DMD: variants seen among roughly 807,000 people sequenced by gnomAD.
DMD encodes the protein dystrophin, also known as mutant dystrophin.
A neutral mutation model predicts 330.1 loss-of-function variants in DMD; 63 were observed. That is an observed-to-expected ratio of 0.19 (90% CI 0.16 to 0.24). The LOEUF is 0.24. DMD is among the 10% of genes least tolerant of loss of function. The pLI is 1.00. For missense variants in DMD, 3,344 were observed against 2,684.1 expected, an observed-to-expected ratio of 1.25 and a Z score of -5.43; for synonymous variants, 1,223 against 959.8, an observed-to-expected ratio of 1.27 and a Z score of -5.07.
chrX:33,261,274 T>A, intron 1 of DMD, among the ~76,000 whole-genome samples: 1 of 110,979 alleles, frequency 9.0e-6, no homozygotes, highest in Non-Finnish European at 1.9e-5. Flanking sequence ...TTTCATGACT[T>A]GACACTTATT....
intron 1 of DMD, among the ~76,000 whole-genome samples, chrX:33,304,699 T>A (rs1413659622): frequency 1.8e-4 from 18 of 99,931 alleles, no homozygotes; most frequent in African/African-American, 6.2e-4. Flanking sequence ...GAATCTACAA[T>A]GAACTCAAAC....
intron 34 of DMD, among the ~76,000 whole-genome samples, chrX:32,377,628 T>C: frequency 8.9e-6 from 1 of 111,795 alleles, no homozygotes; most frequent in East Asian, 2.8e-4. Flanking sequence ...ATCTGGCTTC[T>C]TTCCAGGAAA....
intron 45 of DMD, among the ~76,000 whole-genome samples, chrX:31,957,015 T>C (rs2095252963): frequency 1.8e-5 from 2 of 111,671 alleles, no homozygotes; most frequent in South Asian, 7.5e-4. Context: ...AGTGGTAGAG[T>C]GGTGCATGGC....
In DMD at chrX:32,565,752, C is replaced by T; in HGVS notation, c.1942G>A (p.Ala648Thr). ...TGGACTAAATTATCCCAACACCGGG[C>T]AAAGTTATCCAGCCATGCTTCCGTC... The part of the protein sequence containing the change: ...QKTEAWLDNF[A>T]RCWDNLVQKL... The change falls in exon 16 of 79, where the codon GCC becomes ACC. Residue 648 changes from alanine (A) to threonine (T), a missense_variant. By Grantham distance (58) the Ala-to-Thr change is moderately conservative (BLOSUM62 0). Coordinates refer to ENST00000357033, the MANE Select transcript of DMD (RefSeq NM_004006.3). 2 of 1,211,693 alleles carry T rather than the reference C, an allele frequency of 1.7e-6. No individual in the cohort carries two copies. Among genetic ancestry groups the T allele is most frequent in the Non-Finnish European group, 1.1e-6 (1 of 895,487 alleles).
intron 27 of DMD, among the ~76,000 whole-genome samples, chrX:32,445,618 C>A (rs2098300349): frequency 9.1e-6 from 1 of 110,206 alleles, no homozygotes; most frequent in African/African-American, 3.3e-5. Context: ...GTTAAAGAAG[C>A]CAACTACCAG....
chrX:32,867,398 A>G (rs1384356068), intron 2 of DMD, among the ~76,000 whole-genome samples: 5 of 112,328 alleles, frequency 4.5e-5, no homozygotes, highest in Non-Finnish European at 9.4e-5. Flanking sequence ...ATAAAGTTGA[A>G]TAAGAGCCAA....
chrX:32,312,752 G>A (rs903454218), intron 41 of DMD, among the ~76,000 whole-genome samples: 5 of 106,240 alleles, frequency 4.7e-5, no homozygotes, highest in Non-Finnish European at 9.7e-5. Context: ...TATCACCACC[G>A]ATCCCACAGA....
intron 12 of DMD, 109 bp downstream of exon 12, chrX:32,614,194 T>G: frequency 3.6e-6 from 3 of 831,294 alleles, no homozygotes; most frequent in Middle Eastern, 3.1e-4. Context: ...ATGGCTGACT[T>G]TAAGTTTTAA....
rs35180404 is a variant in DMD, at chrX:32,975,346, CTTTTTTTTTTTT to C, written c.93+44781_93+44792del. Among the ~76,000 whole-genome samples the C allele has an allele frequency of 1.3e-3, 86 of 64,769 alleles. 1 individual carries two copies. The South Asian group carries it at 0.03, about 22-fold the overall frequency. 56.2% of individuals were successfully genotyped at this position (64,769 alleles called of 115,157 possible). ...TTTGCTTTTTAAACTTTAAAAAATG[CTTTTTTTTTTTT>C]TTTTTTTTTTTGAAACCCTGAAAAA... On this transcript the variant is annotated intron_variant, in intron 2 of 78. Coordinates refer to ENST00000357033, the MANE Select transcript of DMD (RefSeq NM_004006.3).
chrX:33,158,494 T>C (rs1357710267), intron 1 of DMD, among the ~76,000 whole-genome samples: 1 of 111,659 alleles, frequency 9.0e-6, no homozygotes, highest in Non-Finnish European at 1.9e-5. Flanking sequence ...TGATCCCATC[T>C]GTTCCTTGAC....
intron 44 of DMD, among the ~76,000 whole-genome samples, chrX:32,113,283 A>G (rs748173155): frequency 8.9e-6 from 1 of 112,539 alleles, no homozygotes. Context: ...TCTATTTTGT[A>G]TTTCAAAATA....
rs1017299529 is a variant in DMD, at chrX:31,924,989, C to A, written c.6912+4607G>T. Among the ~76,000 whole-genome samples, 5 of 111,761 alleles carry A rather than the reference C, an allele frequency of 4.5e-5. No individual in the cohort carries two copies. The East Asian group carries it at 1.1e-3, about 25-fold the overall frequency. ...TAATAGGAATGCATAACGTACACCA[C>A]CTGTAAAATTACTTGACATTAAAAA... On this transcript the variant is annotated intron_variant, in intron 47 of 78. Coordinates refer to ENST00000357033, the MANE Select transcript of DMD (RefSeq NM_004006.3).
chrX:32,969,146 A>T (rs2147115124), intron 2 of DMD, among the ~76,000 whole-genome samples: 1 of 107,390 alleles, frequency 9.3e-6, no homozygotes, highest in South Asian at 4.3e-4. Flanking sequence ...AAGACACCTA[A>T]CATGCTGGTG....
rs946759036 is a variant in DMD at position 31,857,631 on chromosome X, C to T, written c.7098+17557G>A. 1.1e-4 allele frequency among the ~76,000 whole-genome samples: 12 copies of T among 109,952 alleles called. No homozygotes were observed. The East Asian group carries it at 1.1e-3, about 10-fold the overall frequency. ...CACCAAAGTGTTCAGAATTTGGAAACTGTAGCTTCAGATGTATTAAACATG... is the reference window on the plus strand; with the variant it reads ...CACCAAAGTGTTCAGAATTTGGAAATTGTAGCTTCAGATGTATTAAACATG... On this transcript the variant is annotated intron_variant, in intron 48 of 78. Coordinates refer to ENST00000357033, the MANE Select transcript of DMD (RefSeq NM_004006.3).
At chrX:33,215,931 A>G (rs2052045363), upstream of DMD, among the ~76,000 whole-genome samples, 1 of 111,973 alleles carries the variant, frequency 8.9e-6, no homozygotes, top group Non-Finnish European at 1.9e-5. Context: ...GTAGGCTTAT[A>G]GTATAGCTTG....
intron 44 of DMD, among the ~76,000 whole-genome samples, chrX:32,096,529 A>C (rs1314965199): frequency 9.1e-6 from 1 of 110,336 alleles, no homozygotes; most frequent in East Asian, 2.8e-4. Context: ...CAAATAAATA[A>C]TTTTTTTAAA....
In DMD at chrX:32,287,435, TC is replaced by T. The variant is rs2097446761; in HGVS notation, c.6290+93del. The stretch of plus-strand genomic sequence containing the variant: ...TGAGAGTGATACTTCTTTTTCCCTG[TC>T]TTTTTTCCATGGAGGGTACTGAAAT... On this transcript the variant is annotated intron_variant, in intron 43 of 78. Transcript: ENST00000357033. 5.7e-6 allele frequency: 5 copies of T among 871,597 alleles called. No individual in the cohort carries two copies. In the Admixed American group the frequency reaches 9.5e-5, roughly 17 times the overall value. The allele number at this position is 871,597 out of a possible 1,213,427, so 71.8% of individuals were successfully genotyped here.
intron 44 of DMD, among the ~76,000 whole-genome samples, chrX:32,030,002 T>G (rs929456377): frequency 1.8e-5 from 2 of 111,902 alleles, no homozygotes; most frequent in African/African-American, 6.5e-5. Context: ...CACTCGACGA[T>G]AAATCCACGT....
intron 1 of DMD, among the ~76,000 whole-genome samples, chrX:33,134,683 C>G (rs1339635551): frequency 8.9e-6 from 1 of 112,021 alleles, no homozygotes; most frequent in African/African-American, 3.2e-5. Flanking sequence ...ACACATAGAT[C>G]AAAAACATCA....
Sources: allele counts gnomAD v4.1 joint callset (sites outside exome capture counted in the v4.1 genomes callset), GRCh38; gene constraint gnomAD v4.1.1; transcripts MANE v1.5; gene names NCBI Gene and HGNC (gene_info 2026-07-23, HGNC 2026-07-21).